Variants in COMMD1 observed in about 807,000 individuals in gnomAD.
The protein encoded by COMMD1 is COMM domain-containing protein 1.
Under a neutral mutation model 17.2 loss-of-function variants are expected in COMMD1, and 10 were observed. The ratio of observed to expected loss-of-function variants is 0.58; its 90% CI spans 0.36 to 0.99. The LOEUF is 0.99. Among genes scored for constraint, COMMD1 ranks in the 50% least tolerant of loss-of-function variants. The probability of loss-of-function intolerance (pLI) is 0.01; values close to 1 mark genes in which losing one functional copy is unlikely to be tolerated. For missense variants in COMMD1, 270 were observed against 231.8 expected (o/e 1.17, Z -1.07); for synonymous variants, 97 against 91.6 (o/e 1.06, Z -0.34).
chr2:61,927,777 G>GGTTTT lies in COMMD1; in HGVS notation c.180+21931_180+21935dup, dbSNP rs1300156685. On this transcript the variant is annotated intron_variant, in intron 1 of 2. Transcript: ENST00000311832. ...TAGTCCAAAACAGTGGCCTTCTGAA[G>GGTTTT]GTTTTGTTTTGTTTTGAGACTGAGT... Among the ~76,000 whole-genome samples, 8 of 150,240 alleles carry GGTTTT rather than the reference G, an allele frequency of 5.3e-5. 3 individuals are homozygous for GGTTTT. Among genetic ancestry groups the GGTTTT allele is most frequent in the African/African-American group, 2.0e-4 (8 of 40,878 alleles).
chr2:61,927,965 A>G (rs370125682), intron 1 of COMMD1, among the ~76,000 whole-genome samples: 2 of 151,766 alleles, frequency 1.3e-5, no homozygotes, highest in South Asian at 4.2e-4. Flanking sequence ...GGGTTTCATC[A>G]TATTGGTCAG....
intron 1 of COMMD1, among the ~76,000 whole-genome samples, chr2:61,956,471 G>A (rs531239508): frequency 1.8e-3 from 272 of 151,386 alleles, no homozygotes; most frequent in African/African-American, 5.5e-3. Context: ...GTGCAGTGGC[G>A]TGATCTTGAC....
chr2:62,104,971 C>T (rs2104029324), intron 2 of COMMD1, among the ~76,000 whole-genome samples: 1 of 151,712 alleles, frequency 6.6e-6, no homozygotes, highest in South Asian at 2.1e-4. Flanking sequence ...ACTGAAAATA[C>T]AAAATTAGCC....
chr2:62,083,385 A>G (rs1025604762), intron 2 of COMMD1, among the ~76,000 whole-genome samples: 1 of 152,368 alleles, frequency 6.6e-6, no homozygotes, highest in African/African-American at 2.4e-5. Context: ...TTACGTGAAA[A>G]TGAATGAGCC....
intron 1 of COMMD1, among the ~76,000 whole-genome samples, chr2:61,907,832 A>G (rs762940768): frequency 2.2e-4 from 33 of 152,110 alleles, no homozygotes; most frequent in African/African-American, 7.7e-4. Context: ...CTGAGATTAC[A>G]GGTGTCCACC....
At chr2:62,083,790 A>T (rs537897780) in intron 2 of COMMD1, among the ~76,000 whole-genome samples, 9 of 152,368 alleles carry the variant, frequency 5.9e-5, no homozygotes, top group African/African-American at 2.2e-4. Flanking sequence ...GATGATACTC[A>T]AGTGTATAGT....
At chr2:62,094,687 GTCAA>G (rs1671950291) in intron 2 of COMMD1, among the ~76,000 whole-genome samples, 1 of 152,142 alleles carries the variant, frequency 6.6e-6, no homozygotes. Context: ...TAAGGGAACA[GTCAA>G]TCAACTGAGT....
At chr2:61,975,118 C>CTT in intron 1 of COMMD1, among the ~76,000 whole-genome samples, 898 of 80,124 alleles carry the variant, frequency 0.011, 4 homozygotes, top group Non-Finnish European at 0.017. Context: ...TCATTTCTTT[C>CTT]TTTTTTTTTT....
At chr2:62,126,074 T>G (rs546851856) in intron 2 of COMMD1, among the ~76,000 whole-genome samples, 1 of 152,348 alleles carries the variant, frequency 6.6e-6, no homozygotes, top group South Asian at 2.1e-4. Context: ...TTGAGCTCCA[T>G]CTGTGTACCC....
At chr2:62,059,532 G>A (rs10183701) in intron 2 of COMMD1, among the ~76,000 whole-genome samples, 3 of 151,884 alleles carry the variant, frequency 2.0e-5, no homozygotes, top group African/African-American at 2.4e-5. Flanking sequence ...AAATAATATA[G>A]CCTCTCCCCA....
chr2:62,114,792 C>G (rs1321852734), intron 2 of COMMD1, among the ~76,000 whole-genome samples: 1 of 152,176 alleles, frequency 6.6e-6, no homozygotes, highest in African/African-American at 2.4e-5. Context: ...TATTCTTCCA[C>G]TAGCCGATGC....
intron 1 of COMMD1, among the ~76,000 whole-genome samples, chr2:61,917,560 CTG>C (rs887509632): frequency 1.3e-5 from 2 of 151,824 alleles, no homozygotes; most frequent in Admixed American, 6.6e-5. Flanking sequence ...CGGAGTCTCG[CTG>C]TGTCTCCCAG....
intron 2 of COMMD1, among the ~76,000 whole-genome samples, chr2:62,025,601 A>G (rs532882732): frequency 2.6e-5 from 4 of 152,336 alleles, no homozygotes; most frequent in East Asian, 1.9e-4. Context: ...TGCTAAGTCA[A>G]TAATAAAAAA....
chr2:61,927,387 T>G (rs1670354251), intron 1 of COMMD1, among the ~76,000 whole-genome samples: 1 of 152,100 alleles, frequency 6.6e-6, no homozygotes, highest in Non-Finnish European at 1.5e-5. Context: ...GGTGACTCCA[T>G]TTTTTGTTTG....
intron 1 of COMMD1, among the ~76,000 whole-genome samples, chr2:61,987,013 G>C (rs1034281079): frequency 1.3e-5 from 2 of 152,020 alleles, no homozygotes; most frequent in Non-Finnish European, 2.9e-5. Flanking sequence ...TTCAGCTCCA[G>C]AATTTCCTTT....
At chr2:61,977,762 C>T (rs567149178) in intron 1 of COMMD1, among the ~76,000 whole-genome samples, 3 of 151,532 alleles carry the variant, frequency 2.0e-5, no homozygotes, top group Non-Finnish European at 4.4e-5. Context: ...CGAGACAGGC[C>T]GATCACTTGA....
chr2:61,902,379 G>A (rs1440309175), upstream of COMMD1, among the ~76,000 whole-genome samples: 10 of 151,938 alleles, frequency 6.6e-5, no homozygotes, highest in East Asian at 5.9e-4. Flanking sequence ...GGTGGCGCAC[G>A]CCTGTAGTCC....
intron 1 of COMMD1, among the ~76,000 whole-genome samples, chr2:61,987,734 G>A (rs1315604913): frequency 1.3e-5 from 2 of 152,178 alleles, no homozygotes; most frequent in Non-Finnish European, 2.9e-5. Flanking sequence ...GGTGAAGCCA[G>A]TCAGGCTTGT....
chr2:62,035,226 C>T (rs1002168589), intron 2 of COMMD1, among the ~76,000 whole-genome samples: 7 of 152,220 alleles, frequency 4.6e-5, no homozygotes, highest in African/African-American at 1.7e-4. Context: ...AATGGCACCT[C>T]TCATTTAATG....
Sources: gnomAD v4.1 joint callset for allele counts (sites outside exome capture counted in the v4.1 genomes callset) on GRCh38, gnomAD v4.1.1 for gene constraint, MANE v1.5 for transcripts, NCBI Gene and HGNC (gene_info 2026-07-23, HGNC 2026-07-21) for gene names.